Variants in SETD1A observed in about 807,000 individuals in gnomAD.
The protein encoded by SETD1A is SET domain containing 1A, histone lysine methyltransferase.
In SETD1A, 29 loss-of-function variants were observed where a neutral mutation model predicts 149.9. The ratio of observed to expected loss-of-function variants is 0.19; its 90% CI spans 0.14 to 0.26. SETD1A has a LOEUF of 0.26. Ranked by LOEUF, SETD1A falls within the 10% of genes least tolerant of loss-of-function variation. The pLI, the probability that SETD1A is intolerant of heterozygous loss-of-function variation, is 1.00. For synonymous variants in SETD1A, 1,141 were observed against 968.5 expected (o/e 1.18, Z -3.31); for missense variants, 2,109 against 2,353.1 (o/e 0.90, Z 2.15).
At position 30,979,185 on chromosome 16, in the gene SETD1A, C is replaced by T. The variant is rs1487491359; in HGVS notation, c.3399C>T (p.Pro1133=). 21 of 1,589,356 alleles carry T rather than the reference C, an allele frequency of 1.3e-5. No individual in the cohort carries two copies. The highest frequency in any genetic ancestry group is 2.3e-5 in the East Asian group (1 of 43,928). ...EESPPSAPLR[P]PEPPAGPPAP... Reference sequence around the variant, plus strand: ...CACCCCCCAGTGCGCCTCTGCGTCCCCCAGAACCACCTGCTGGGCCCCCGG... The same window carrying T: ...CACCCCCCAGTGCGCCTCTGCGTCCTCCAGAACCACCTGCTGGGCCCCCGG... The change falls in exon 14 of 19, where the codon CCC becomes CCT. Residue 1133 remains proline, a synonymous_variant. Transcript: ENST00000262519.
At chr16:30,966,707 G>C (rs1394513042) in intron 8 of SETD1A, among the ~76,000 whole-genome samples, 177 bp from the exon 9 acceptor site, 4 of 152,220 alleles carry the variant, frequency 2.6e-5, no homozygotes, top group Admixed American at 2.0e-4. Context: ...TCTTAAGACT[G>C]GTGGGCGAAA....
rs370157586 is a variant in SETD1A at position 30,971,625 on chromosome 16, G to C, written c.3264G>C (p.Thr1088=). The C allele has an allele frequency of 1.2e-5, 20 of 1,613,528 alleles. No homozygotes were observed. The highest frequency in any genetic ancestry group is 5.3e-5 in the African/African-American group (4 of 74,978). The change falls in exon 13 of 19, where the codon ACG becomes ACC. Residue 1088 remains threonine, a synonymous_variant. Coordinates refer to ENST00000262519, the MANE Select transcript of SETD1A (RefSeq NM_014712.3). The stretch of plus-strand genomic sequence containing the variant: ...CCCCCAGAGAAGTCCCAGTGCCCAC[G>C]CCAGCACCTGTGGAGGTGCCAGTGC... The part of the protein sequence containing the change: ...SPPPREVPVP[T]PAPVEVPVPE...
At position 30,979,174 on chromosome 16, in the gene SETD1A, C is replaced by T. The variant is rs1416180719; in HGVS notation, c.3388C>T (p.Pro1130Ser). The T allele has an allele frequency of 6.3e-7, 1 of 1,582,654 alleles. No homozygotes were observed. Among genetic ancestry groups the T allele is most frequent in the African/African-American group, 1.3e-5 (1 of 74,442 alleles). The change falls in exon 14 of 19, where the codon CCT (proline) becomes TCT (serine). Residue 1130 changes from proline (P) to serine (S), a missense_variant. Pro to Ser is a moderately conservative substitution (Grantham distance 74). Transcript: ENST00000262519. ...CACGGAGGAGTCACCCCCCAGTGCG[C>T]CTCTGCGTCCCCCAGAACCACCTGC... ...GPTEESPPSA[P>S]LRPPEPPAGP... is the part of the protein sequence containing the mutation.
chr16:30,962,850 C>T (rs1361795648), intron 4 of SETD1A, among the ~76,000 whole-genome samples: 1 of 152,240 alleles, frequency 6.6e-6, no homozygotes, highest in Non-Finnish European at 1.5e-5. Context: ...GAGGCTGAGG[C>T]ATGAGAATCA....
At position 30,980,795 on chromosome 16, in the gene SETD1A, C is replaced by T; in HGVS notation, c.4638C>T (p.Ala1546=). ...CCGAGCAGCGGCGGCTGCTGAGCGC[C>T]ATCGGTACCTCCGCCATCATGGACA... ...RRSEQRRLLS[A]IGTSAIMDSD... The change falls in exon 16 of 19, where the codon GCC becomes GCT. Residue 1546 remains alanine (A), a synonymous_variant. Coordinates refer to ENST00000262519, the MANE Select transcript of SETD1A (RefSeq NM_014712.3). The surrounding 1 kb of genome is among the most constrained non-coding windows in gnomAD (Gnocchi z 7.7). The T allele has an allele frequency of 6.2e-7, 1 of 1,610,706 alleles. No individual in the cohort carries two copies. Among genetic ancestry groups the T allele is most frequent in the African/African-American group, 1.3e-5 (1 of 74,722 alleles).
intron 3 of SETD1A, among the ~76,000 whole-genome samples, chr16:30,960,280 T>C (rs1457011525): frequency 6.6e-6 from 1 of 152,212 alleles, no homozygotes; most frequent in Non-Finnish European, 1.5e-5. Context: ...TGTATGGTTA[T>C]TGACCTGGCC....
chr16:30,979,595 C>T lies in SETD1A; in HGVS notation c.3809C>T (p.Ala1270Val), dbSNP rs1293468996. The change falls in exon 14 of 19, where the codon GCC becomes GTC. Residue 1270 changes from alanine to valine, a missense_variant. Physicochemically the swap from Ala to Val is moderately conservative, Grantham distance 64. Transcript: ENST00000262519. ...ALTPARRGLP[A>V]LPAVEDSEAT... ...ACCCCTGCCCGGCGCGGGCTGCCTGCCCTGCCTGCTGTTGAAGACTCAGAG... is the reference window on the plus strand; with the variant it reads ...ACCCCTGCCCGGCGCGGGCTGCCTGTCCTGCCTGCTGTTGAAGACTCAGAG... 1 of 1,611,072 alleles carries T rather than the reference C, an allele frequency of 6.2e-7. No individual in the cohort carries two copies. The highest frequency in any genetic ancestry group is 1.7e-5 in the Admixed American group (1 of 59,980).
rs2056053638 is a variant in SETD1A at position 30,961,621 on chromosome 16, C to G, written c.517+84C>G. The G allele has an allele frequency of 7.4e-7, 1 of 1,346,408 alleles. No individual in the cohort carries two copies. Among genetic ancestry groups the G allele is most frequent in the Non-Finnish European group, 1.0e-6 (1 of 965,410 alleles). The allele number at this position is 1,346,408 out of a possible 1,614,324, so 83.4% of individuals were successfully genotyped here. On this transcript the variant is annotated intron_variant, in intron 4 of 18. Coordinates refer to ENST00000262519, the MANE Select transcript of SETD1A (RefSeq NM_014712.3). The surrounding 1 kb of genome is among the most constrained non-coding windows in gnomAD (Gnocchi z 4.0). ...ATGCCTGTCAGGGTCAGGCAGGCGC[C>G]CAGGGTCATGATCTGAAACTGCTGG...
At chr16:30,981,223 A>T in intron 17 of SETD1A, 43 bp downstream of exon 17, 1 of 1,610,580 alleles carries the variant, frequency 6.2e-7, no homozygotes, top group Non-Finnish European at 8.5e-7. Flanking sequence ...CTGATGCAAC[A>T]AGACAGCATG....
chr16:30,969,505 A>G (rs1234440473), intron 11 of SETD1A, 43 bp downstream of exon 11: 3 of 1,599,166 alleles, frequency 1.9e-6, no homozygotes, highest in African/African-American at 1.3e-5. Context: ...CCTACTTCCC[A>G]TAGCCAGCAT....
In SETD1A at chr16:30,979,581, G is replaced by T; in HGVS notation, c.3795G>T (p.Arg1265=). ...CCGACCTGGCCCTGACCCCTGCCCG[G>T]CGCGGGCTGCCTGCCCTGCCTGCTG... ...VLADLALTPA[R]RGLPALPAVE... is the part of the protein sequence containing the mutation. The change falls in exon 14 of 19, where the codon CGG becomes CGT. Residue 1265 remains arginine, a synonymous_variant. Transcript: ENST00000262519. 1 of 1,610,354 alleles carries T rather than the reference G, an allele frequency of 6.2e-7. No individual in the cohort carries two copies. The highest frequency in any genetic ancestry group is 1.3e-5 in the African/African-American group (1 of 75,030).
chr16:30,970,349 C>T (rs1408377271), intron 12 of SETD1A, among the ~76,000 whole-genome samples: 1 of 151,268 alleles, frequency 6.6e-6, no homozygotes, highest in Admixed American at 6.6e-5. Context: ...CTCACTGCAA[C>T]CTCCGCCTCC....
At position 30,966,332 on chromosome 16, in the gene SETD1A, C is replaced by T. The variant is rs756814587; in HGVS notation, c.2451C>T (p.Asn817=). Residue 817 remains asparagine, a synonymous_variant, in exon 8 of 19, where the codon AAC becomes AAT. Transcript: ENST00000262519. ...ACCTCAACCGCAAGATGGTGGAGAA[C>T]GTGGCCTTCGGAGCCTTTGACCAGT... ...QRDLNRKMVE[N]VAFGAFDQWW... is the part of the protein sequence containing the mutation. 3.7e-6 allele frequency: 6 copies of T among 1,613,618 alleles called. No individual in the cohort carries two copies. The highest frequency in any genetic ancestry group is 1.1e-5 in the South Asian group (1 of 91,042).
At chr16:30,966,534 A>T in intron 8 of SETD1A, 148 bp downstream of exon 8, 2 of 1,216,372 alleles carry the variant, frequency 1.6e-6, no homozygotes, top group Non-Finnish European at 2.2e-6. Flanking sequence ...CTGGGTGGGC[A>T]GGGGAGTTGA....
At position 30,963,963 on chromosome 16, in the gene SETD1A, G is replaced by C. The variant is rs2056093321; in HGVS notation, c.640-131G>C. 8.0e-6 allele frequency: 6 copies of C among 745,606 alleles called. No individual in the cohort carries two copies. In the East Asian group the frequency reaches 1.6e-4, roughly 19 times the overall value. The allele number at this position is 745,606 out of a possible 1,614,324, so 46.2% of individuals were successfully genotyped here. A position where few individuals can be genotyped will look rare whatever the true frequency, so the allele number is the denominator to read the frequency against. On this transcript the variant is annotated intron_variant, in intron 5 of 18. Coordinates refer to ENST00000262519, the MANE Select transcript of SETD1A (RefSeq NM_014712.3). ...GCCGAGATCACGCCACTGGACTCCA[G>C]CCTGGGCAATAGAGCGAGACTCCGT...
intron 13 of SETD1A, 75 bp downstream of exon 13, chr16:30,971,794 A>C (rs1251240966): frequency 1.3e-6 from 2 of 1,482,242 alleles, no homozygotes; most frequent in Admixed American, 4.9e-5. Context: ...GCTTGCATTT[A>C]TTGTGTACAA....
In SETD1A at chr16:30,971,511, A is replaced by ATCCTCC; in HGVS notation, c.3153_3158dup (p.Ser1057_Ser1058dup). On this transcript the variant is annotated inframe_insertion, in exon 13 of 19. Coordinates refer to ENST00000262519, the MANE Select transcript of SETD1A (RefSeq NM_014712.3). ...CATCCTCCTCCTCCTCCTCGTCCTC[A>ATCCTCC]TCCTCCTCGTCCTCTTCATCCTCTG... is the stretch of plus-strand genomic sequence containing the variant. 6.2e-7 allele frequency: 1 copy of ATCCTCC among 1,613,558 alleles called. No homozygotes were observed. Among genetic ancestry groups the ATCCTCC allele is most frequent in the Non-Finnish European group, 8.5e-7 (1 of 1,179,784 alleles).
At position 30,980,498 on chromosome 16, in the gene SETD1A, C is replaced by A. The variant is rs1412935536; in HGVS notation, c.4422C>A (p.Thr1474=). Reference sequence around the variant, plus strand: ...AACACCCTGCACTCACCAACCTGACCACCCCAAAACGCAAGCGGCGGCCCC... The same window carrying A: ...AACACCCTGCACTCACCAACCTGACAACCCCAAAACGCAAGCGGCGGCCCC... ...HWVHHTITNL[T]TPKRKRRPQD... Residue 1474 remains threonine, a synonymous_variant, in exon 15 of 19, where the codon ACC becomes ACA. Coordinates refer to ENST00000262519, the MANE Select transcript of SETD1A (RefSeq NM_014712.3). This position sits in a 1 kb window ranked among gnomAD's most constrained non-coding sequence, Gnocchi z 7.7. 6.2e-7 allele frequency: 1 copy of A among 1,613,372 alleles called. No homozygotes were observed. The highest frequency in any genetic ancestry group is 8.5e-7 in the Non-Finnish European group (1 of 1,179,682).
rs2056411032 is a variant in SETD1A at position 30,983,542 on chromosome 16, T to C, written c.4813-93T>C. ...GGAGGCAGAGCTGCAGCTCCAGGCCTGGTGGGCGTGGACCTGGGGTGCTGG... is the reference window on the plus strand; with the variant it reads ...GGAGGCAGAGCTGCAGCTCCAGGCCCGGTGGGCGTGGACCTGGGGTGCTGG... On this transcript the variant is annotated intron_variant, in intron 17 of 18. Transcript: ENST00000262519. The surrounding 1 kb of genome is among the most constrained non-coding windows in gnomAD (Gnocchi z 6.8). The C allele has an allele frequency of 2.8e-6, 4 of 1,437,862 alleles. No individual in the cohort carries two copies. Among genetic ancestry groups the C allele is most frequent in the Admixed American group, 2.0e-5 (1 of 48,926 alleles). 89.1% of individuals were successfully genotyped at this position (1,437,862 alleles called of 1,614,324 possible).
Sources: gnomAD v4.1 joint callset for allele counts (sites outside exome capture counted in the v4.1 genomes callset) on GRCh38, gnomAD v4.1.1 for gene constraint, Gnocchi (gnomAD v3.1) non-coding constraint, MANE v1.5 for transcripts, NCBI Gene and HGNC (gene_info 2026-07-23, HGNC 2026-07-21) for gene names.